The following PPIP5K2 variants were observed in gnomAD, a reference collection of about 807,000 sequenced individuals.
PPIP5K2 encodes the protein inositol hexakisphosphate and diphosphoinositol-pentakisphosphate kinase 2.
PPIP5K2 carries 105 observed loss-of-function variants against 154.6 expected under a neutral mutation model. That is an observed-to-expected ratio of 0.68 (90% CI 0.58 to 0.80). The LOEUF is 0.80. Among genes scored for constraint, PPIP5K2 ranks in the 30% least tolerant of loss-of-function variants. The probability of loss-of-function intolerance (pLI) is 0.00; values close to 1 mark genes in which losing one functional copy is unlikely to be tolerated. For synonymous variants in PPIP5K2, 480 were observed against 490.3 expected, an observed-to-expected ratio of 0.98 and a Z score of 0.28; for missense variants, 992 against 1,504.6, an observed-to-expected ratio of 0.66 and a Z score of 5.64.
intron 7 of PPIP5K2, among the ~76,000 whole-genome samples, chr5:103,148,519 A>G (rs1554210061): frequency 6.6e-6 from 1 of 152,112 alleles, no homozygotes; most frequent in East Asian, 1.9e-4. Flanking sequence ...TCTAACCAGA[A>G]TGTTTTCTAA....
intron 21 of PPIP5K2, 108 bp downstream of exon 21, chr5:103,174,080 C>A: frequency 1.2e-6 from 1 of 838,264 alleles, no homozygotes. Flanking sequence ...TTAAGTTTTA[C>A]TACTTAATGT....
chr5:103,171,366 G>A (rs1554219486), intron 19 of PPIP5K2, among the ~76,000 whole-genome samples: 1 of 151,404 alleles, frequency 6.6e-6, no homozygotes, highest in South Asian at 2.1e-4. Flanking sequence ...GTTTTCTTTG[G>A]TTATCTGTAG....
intron 28 of PPIP5K2, chr5:103,189,310 A>G: frequency 9.3e-7 from 1 of 1,077,034 alleles, no homozygotes; most frequent in Non-Finnish European, 1.3e-6. Context: ...ATTAAAGGAA[A>G]AGTTTATTAA....
Position 103,201,628 on chromosome 5 carries a change from G to A in PPIP5K2, c.3726G>A (p.Lys1242=). The change falls in exon 31 of 31, where the codon AAG becomes AAA. Residue 1242 remains lysine (K), a synonymous_variant. Coordinates refer to ENST00000358359, the MANE Select transcript of PPIP5K2 (RefSeq NM_001276277.3). ...AACACAAAAAAAACACTGGGAAAAA[G>A]AAATGAAATCTTAGCAGAAGCTGGA... ...THEHKKNTGK[K]K is the part of the protein sequence containing the mutation. 4 of 1,587,114 alleles carry A rather than the reference G, an allele frequency of 2.5e-6. No individual in the cohort carries two copies. The highest frequency in any genetic ancestry group is 3.4e-6 in the Non-Finnish European group (4 of 1,161,688).
At chr5:103,162,146 T>C (rs569490874) in intron 17 of PPIP5K2, among the ~76,000 whole-genome samples, 10 of 152,312 alleles carry the variant, frequency 6.6e-5, no homozygotes, top group East Asian at 3.9e-4. Flanking sequence ...ATTTACTTTA[T>C]TGTGGCTTCA....
At chr5:103,137,243 AG>A (rs797043135) in intron 4 of PPIP5K2, among the ~76,000 whole-genome samples, 37 of 151,004 alleles carry the variant, frequency 2.5e-4, no homozygotes, top group African/African-American at 7.8e-4. Flanking sequence ...GCTCACTGCA[AG>A]CTCCCCCTCC....
chr5:103,182,021 A>C (rs1434596808), intron 24 of PPIP5K2, among the ~76,000 whole-genome samples: 1 of 152,164 alleles, frequency 6.6e-6, no homozygotes. Context: ...GTTATAACTT[A>C]ATGGAAAAAA....
chr5:103,180,585 C>T (rs1323663563), intron 24 of PPIP5K2, among the ~76,000 whole-genome samples: 1 of 151,966 alleles, frequency 6.6e-6, no homozygotes, highest in Non-Finnish European at 1.5e-5. Context: ...CATGGTGGCT[C>T]ATGCCTGTAA....
chr5:103,201,492 G>A, intron 30 of PPIP5K2, 30 bp from the exon 31 acceptor site: 1 of 1,131,828 alleles, frequency 8.8e-7, no homozygotes, highest in Non-Finnish European at 1.2e-6. Flanking sequence ...TTAAGCAATA[G>A]TTTTTTTTTT....
chr5:103,188,892 A>C (rs1010976408), intron 28 of PPIP5K2: 1 of 317,064 alleles, frequency 3.2e-6, no homozygotes, highest in African/African-American at 2.1e-5. Flanking sequence ...CCGCACATAC[A>C]AATGCACATA....
intron 5 of PPIP5K2, among the ~76,000 whole-genome samples, chr5:103,140,836 CAAAAA>C (rs34150862): frequency 5.0e-4 from 44 of 88,170 alleles, no homozygotes; most frequent in African/African-American, 1.5e-3. Flanking sequence ...GACTCCGTCT[CAAAAA>C]AAAAAAAAAA....
At position 103,177,825 on chromosome 5, in the gene PPIP5K2, A is replaced by G. The variant is rs782661522; in HGVS notation, c.2638-39A>G. 2.5e-6 allele frequency: 4 copies of G among 1,597,456 alleles called. No individual in the cohort carries two copies. The South Asian group carries it at 4.4e-5, about 18-fold the overall frequency. On this transcript the variant is annotated intron_variant, in intron 22 of 30. Transcript: ENST00000358359. ...TTACCAGACATAAATAAAGAGCTTA[A>G]AGTTTCTCATTTTGAAAATGTTCTG...
At chr5:103,132,394 A>G (rs563222916) in intron 2 of PPIP5K2, among the ~76,000 whole-genome samples, 2 of 152,150 alleles carry the variant, frequency 1.3e-5, no homozygotes, top group Admixed American at 1.3e-4. Flanking sequence ...ACGAAAAAAA[A>G]AATTAGCTGG....
rs1359133490 is a variant in PPIP5K2 at position 103,207,985 on chromosome 5, C to G, written c.*6351C>G. 1 of 151,670 alleles carries G rather than the reference C, an allele frequency of 6.6e-6. No individual in the cohort carries two copies. Among genetic ancestry groups the G allele is most frequent in the Non-Finnish European group, 1.5e-5 (1 of 67,948 alleles). 9.4% of individuals were successfully genotyped at this position (151,670 alleles called of 1,614,324 possible). A position where few individuals can be genotyped will look rare whatever the true frequency, so the allele number is the denominator to read the frequency against. ...ACCTTTATATGAGATAAATTTCTTT[C>G]TGGCTCATCTATTTGATACAATTTC... is the stretch of plus-strand genomic sequence containing the variant. On this transcript the variant is annotated 3_prime_UTR_variant, in exon 31 of 31. Coordinates refer to ENST00000358359, the MANE Select transcript of PPIP5K2 (RefSeq NM_001276277.3).
At chr5:103,164,826 G>A (rs782222783) in intron 17 of PPIP5K2, among the ~76,000 whole-genome samples, 20 of 152,030 alleles carry the variant, frequency 1.3e-4, no homozygotes, top group Non-Finnish European at 2.6e-4. Flanking sequence ...AACTTGCCAA[G>A]CTAAATGTCA....
In PPIP5K2 at chr5:103,190,973, G is replaced by A. The variant is rs115683549; in HGVS notation, c.3484G>A (p.Ala1162Thr). The A allele has an allele frequency of 5.2e-4, 837 of 1,602,212 alleles. 1 individual carries two copies. In the African/African-American group the frequency reaches 6.3e-3, roughly 12 times the overall value. Residue 1162 changes from alanine to threonine, a missense_variant, in exon 29 of 31, where the codon GCT becomes ACT. Ala to Thr is a moderately conservative substitution (Grantham distance 58). Transcript: ENST00000358359. ...SPSSDVPRKT[A>T]EISSTALRSS... ...ATCATCTGACGTTCCACGGAAGACC[G>A]CTGAAATTTGTAGGAAATTTTTCTT...
At chr5:103,184,482 G>A (rs1580408904) in intron 25 of PPIP5K2, 190 bp from the exon 26 acceptor site, 1 of 492,972 alleles carries the variant, frequency 2.0e-6, no homozygotes, top group Admixed American at 3.4e-5. Flanking sequence ...CCACTTCATT[G>A]CAAGGACCTC....
rs1269400024 is a variant in PPIP5K2 at position 103,120,308 on chromosome 5, C to T, written c.-465C>T. 4.9e-6 allele frequency: 2 copies of T among 411,656 alleles called. No homozygotes were observed. Among genetic ancestry groups the T allele is most frequent in the Non-Finnish European group, 1.0e-5 (2 of 200,250 alleles). 25.5% of individuals were successfully genotyped at this position (411,656 alleles called of 1,614,324 possible). A position where few individuals can be genotyped will look rare whatever the true frequency, so the allele number is the denominator to read the frequency against. Reference sequence around the variant, plus strand: ...GACGGAGATTCCTGAGGTGTAGTAGCCTGAGGTTCCCTTATGTGGCCCTAT... The same window carrying T: ...GACGGAGATTCCTGAGGTGTAGTAGTCTGAGGTTCCCTTATGTGGCCCTAT... On this transcript the variant is annotated 5_prime_UTR_variant, in exon 1 of 31. Transcript: ENST00000358359.
intron 28 of PPIP5K2, among the ~76,000 whole-genome samples, chr5:103,189,597 G>GTTCTGT (rs1437305178): frequency 3.9e-5 from 6 of 152,032 alleles, no homozygotes; most frequent in African/African-American, 1.4e-4. Flanking sequence ...TTATAGTATA[G>GTTCTGT]TTTTGTTTTT....
Sources: gnomAD v4.1 joint callset for allele counts (sites outside exome capture counted in the v4.1 genomes callset) on GRCh38, gnomAD v4.1.1 for gene constraint, MANE v1.5 for transcripts, NCBI Gene and HGNC (gene_info 2026-07-23, HGNC 2026-07-21) for gene names.